Variants in CFAP65 observed in about 807,000 individuals in gnomAD.
CFAP65 encodes cilia and flagella associated protein 65, also known as cilia- and flagella-associated protein 65.
CFAP65 carries 155 observed loss-of-function variants against 208.0 expected under a neutral mutation model. The ratio of observed to expected loss-of-function variants is 0.75; its 90% confidence interval spans 0.65 to 0.85. The LOEUF is 0.85. Ranked by LOEUF, CFAP65 falls within the 40% of genes least tolerant of loss-of-function variation. CFAP65 has a pLI of 0.00. For missense variants in CFAP65, 2,294 were observed against 2,451.3 expected (o/e 0.94, Z 1.36); for synonymous variants, 970 against 986.3 (o/e 0.98, Z 0.31).
rs1485655661 is a variant in CFAP65, at chr2:219,027,706, G to A, written c.2155C>T (p.Pro719Ser). Residue 719 changes from proline to serine, a missense_variant, in exon 13 of 35, where the codon CCG becomes TCG. Around this residue, in one of 2 missense-constraint regions of CFAP65, gnomAD observed 867 missense variants for 1,012.6 expected, o/e 0.86. Coordinates refer to ENST00000341552, the MANE Select transcript of CFAP65 (RefSeq NM_194302.4). ...GTGTAAAGGCAGTTGGGGTGAGGCG[G>A]CTGGAAGTGCAGGCGCATGGCCATG... Reference protein sequence around the residue: ...KSMAMRLHFQPPHPNCLYTVE... With the variant: ...KSMAMRLHFQSPHPNCLYTVE... The A allele has an allele frequency of 6.2e-7, 1 of 1,614,086 alleles. No individual in the cohort carries two copies. Among genetic ancestry groups the A allele is most frequent in the Middle Eastern group, 1.6e-4 (1 of 6,062 alleles).
Position 219,021,886 on chromosome 2 carries a change from G to A in CFAP65, c.3024C>T (p.Ser1008=). The change falls in exon 18 of 35, where the codon AGC becomes AGT. Residue 1008 remains serine (S), a synonymous_variant. Coordinates refer to ENST00000341552, the MANE Select transcript of CFAP65 (RefSeq NM_194302.4). ...ELAFGNVLVN[S]KQSRFLVLLN... is the part of the protein sequence containing the mutation. ...GGAGGACAAGGAACCTGGACTGCTT[G>A]CTGTTCACCAGCACATTCCCAAAGG... 1.9e-6 allele frequency: 3 copies of A among 1,613,818 alleles called. No homozygotes were observed. Among genetic ancestry groups the A allele is most frequent in the Non-Finnish European group, 2.5e-6 (3 of 1,180,026 alleles).
chr2:219,027,355 A>G (rs1414890460), intron 13 of CFAP65: 4 of 1,449,278 alleles, frequency 2.8e-6, no homozygotes, highest in Admixed American at 2.8e-5. Context: ...CCTAGCCAGG[A>G]GCCCCAGGGA....
At position 219,010,696 on chromosome 2, in the gene CFAP65, C is replaced by T; in HGVS notation, c.4158G>A (p.Val1386=). 1 of 1,607,062 alleles carries T rather than the reference C, an allele frequency of 6.2e-7. No homozygotes were observed. The highest frequency in any genetic ancestry group is 8.5e-7 in the Non-Finnish European group (1 of 1,177,030). ...AGTTCCATCCCAGGATGTGTATGGG[C>T]ACGTCCACCTGGGGAGTTAGGAGGG... is the stretch of plus-strand genomic sequence containing the variant. The part of the protein sequence containing the change: ...PIEAKTYTVD[V]PIHILGWNSA... Residue 1386 remains valine (V), a synonymous_variant, in exon 26 of 35, where the codon GTG becomes GTA. Coordinates refer to ENST00000341552, the MANE Select transcript of CFAP65 (RefSeq NM_194302.4).
At chr2:219,018,737 C>T (rs1947070527) in intron 21 of CFAP65, 2 of 342,434 alleles carry the variant, frequency 5.8e-6, no homozygotes, top group South Asian at 3.7e-5. Context: ...ACTTGTAAAG[C>T]GCAGGTCCTG....
intron 24 of CFAP65, 104 bp from the exon 25 acceptor site, chr2:219,011,100 A>G: frequency 9.3e-7 from 1 of 1,070,294 alleles, no homozygotes; most frequent in Non-Finnish European, 1.3e-6. Context: ...GATCTCCATG[A>G]TGTCACCCTT....
intron 21 of CFAP65, among the ~76,000 whole-genome samples, chr2:219,016,289 C>CTCTTT (rs1553524683): frequency 1.2e-5 from 1 of 85,554 alleles, no homozygotes; most frequent in African/African-American, 6.0e-5. Flanking sequence ...AGTCTCCCTC[C>CTCTTT]TTTTTTTTTT....
At position 219,006,498 on chromosome 2, in the gene CFAP65, G is replaced by T; in HGVS notation, c.4686C>A (p.Cys1562Ter). Residue 1562 changes from cysteine to a stop codon, truncating the protein, a stop_gained, in exon 30 of 35, where the codon TGC (cysteine) becomes TGA (stop). Coordinates refer to ENST00000341552, the MANE Select transcript of CFAP65 (RefSeq NM_194302.4). LOFTEE classifies it high-confidence loss of function. Reference protein sequence around the residue: ...ITDMKVKKRTCCTACEPARKY... With the variant: ...ITDMKVKKRT ...TCCTCGCAGGTTCACAGGCTGTGCAGCATGTTCTCTTCTGTGGAAAAAGAG... is the reference window on the plus strand; with the variant it reads ...TCCTCGCAGGTTCACAGGCTGTGCATCATGTTCTCTTCTGTGGAAAAAGAG... 6.2e-7 allele frequency: 1 copy of T among 1,613,648 alleles called. No individual in the cohort carries two copies.
chr2:219,022,518 T>C (rs1328007144), intron 16 of CFAP65, among the ~76,000 whole-genome samples, 189 bp from the exon 17 acceptor site: 1 of 151,900 alleles, frequency 6.6e-6, no homozygotes, highest in Non-Finnish European at 1.5e-5. Flanking sequence ...CCCCACGGGG[T>C]CAGTAGTATT....
chr2:219,038,845 T>C, intron 3 of CFAP65, 51 bp downstream of exon 3: 1 of 1,558,556 alleles, frequency 6.4e-7, no homozygotes. Context: ...ATGGCCACAC[T>C]TGGCACTGCT....
Position 219,004,995 on chromosome 2 carries a change from C to CTCTT in CFAP65, c.5051+435_5051+438dup, listed in dbSNP as rs545677853. On this transcript the variant is annotated intron_variant, in intron 32 of 34. Transcript: ENST00000341552. The surrounding 1 kb of genome is among the most constrained non-coding windows in gnomAD (Gnocchi z 4.7). ...TTTCTTTCTCTCTTTCTGTCTTTGT[C>CTCTT]TCTTTCTTTCTTTCTCTTTTCTTTT... Among the ~76,000 whole-genome samples the CTCTT allele has an allele frequency of 2.3e-3, 322 of 140,826 alleles. 1 individual carries two copies. Among genetic ancestry groups the CTCTT allele is most frequent in the African/African-American group, 7.6e-3 (284 of 37,272 alleles). The allele number at this position is 140,826 out of a possible 152,430, so 92.4% of individuals were successfully genotyped here.
rs755089782 is a variant in CFAP65 at position 219,032,662 on chromosome 2, G to A, written c.543-90C>T. 3.4e-5 allele frequency: 39 copies of A among 1,131,124 alleles called. No individual in the cohort carries two copies. Among genetic ancestry groups the A allele is most frequent in the Non-Finnish European group, 4.8e-5 (38 of 783,844 alleles). 70.1% of individuals were successfully genotyped at this position (1,131,124 alleles called of 1,614,324 possible). A position where few individuals can be genotyped will look rare whatever the true frequency, so the allele number is the denominator to read the frequency against. On this transcript the variant is annotated intron_variant, in intron 5 of 34. Coordinates refer to ENST00000341552, the MANE Select transcript of CFAP65 (RefSeq NM_194302.4). The surrounding 1 kb of genome is among the most constrained non-coding windows in gnomAD (Gnocchi z 5.5). ...AACGAGGGAAGCCCTGCAGCCAAGG[G>A]AGCTTGAGTCCCTGGGACCACAGAG... is the stretch of plus-strand genomic sequence containing the variant.
At chr2:219,027,459 T>G (rs1435893588) in intron 13 of CFAP65, 191 bp downstream of exon 13, 9 of 1,539,080 alleles carry the variant, frequency 5.8e-6, no homozygotes, top group African/African-American at 1.4e-5. Flanking sequence ...AATGAGAAAA[T>G]CAGATGGGCC....
chr2:219,023,185 C>G (rs776861184), intron 16 of CFAP65, 22 bp downstream of exon 16: 2 of 1,597,140 alleles, frequency 1.3e-6, no homozygotes, highest in Non-Finnish European at 1.7e-6. Flanking sequence ...TGCCGTCACT[C>G]GGCAGGAGGG....
At chr2:219,023,947 C>G in intron 15 of CFAP65, 68 bp downstream of exon 15, 1 of 1,553,214 alleles carries the variant, frequency 6.4e-7, no homozygotes, top group East Asian at 2.3e-5. Context: ...AGAATATGGC[C>G]TTGAAAAGGG....
intron 22 of CFAP65, 22 bp from the exon 23 acceptor site, chr2:219,013,607 TG>T: frequency 6.3e-7 from 1 of 1,583,176 alleles, no homozygotes. Flanking sequence ...CAGATAAGTC[TG>T]GGAGTGAGTT....
intron 29 of CFAP65, among the ~76,000 whole-genome samples, chr2:219,008,146 A>G (rs1946155941): frequency 6.6e-6 from 1 of 152,118 alleles, no homozygotes; most frequent in Non-Finnish European, 1.5e-5. Flanking sequence ...CCTTTTTAAT[A>G]TGGAAAATTT....
intron 22 of CFAP65, 121 bp downstream of exon 22, chr2:219,013,747 G>A: frequency 1.7e-6 from 2 of 1,153,424 alleles, no homozygotes. Context: ...CTCCTCTGCA[G>A]GTGAGAAGGT....
In CFAP65 at chr2:219,038,999, TCCAC is replaced by T. The variant is rs1212606808; in HGVS notation, c.46_49del (p.Val16ArgfsTer18). ...AGAGGCAAATGAGACTGATGGATTC[TCCAC>T]CTTCTGGGTTTTCTCCACCAGTCTA... On this transcript the variant is annotated frameshift_variant, in exon 3 of 35. Coordinates refer to ENST00000341552, the MANE Select transcript of CFAP65 (RefSeq NM_194302.4). LOFTEE classifies it high-confidence loss of function. 6.2e-7 allele frequency: 1 copy of T among 1,613,884 alleles called. No homozygotes were observed. Among genetic ancestry groups the T allele is most frequent in the Non-Finnish European group, 8.5e-7 (1 of 1,179,822 alleles).
intron 32 of CFAP65, among the ~76,000 whole-genome samples, 164 bp downstream of exon 32, chr2:219,005,270 C>T (rs1945883129): frequency 1.3e-5 from 2 of 152,108 alleles, no homozygotes; most frequent in South Asian, 4.1e-4. Flanking sequence ...AAGCCACCCG[C>T]CCACTGCTGC....
Sources: gnomAD v4.1 joint callset for allele counts (sites outside exome capture counted in the v4.1 genomes callset) on GRCh38, gnomAD v4.1.1 for gene constraint, gnomAD v4.1.1 regional missense constraint, Gnocchi (gnomAD v3.1) non-coding constraint, MANE v1.5 for transcripts, NCBI Gene and HGNC (gene_info 2026-07-23, HGNC 2026-07-21) for gene names.